SKIC3: variants seen among roughly 807,000 people sequenced by gnomAD.
SKIC3 encodes superkiller complex protein 3.
chr5:95,477,528 A>G, the SKIC3 span, among the ~76,000 whole-genome samples: 1 of 152,190 alleles, frequency 6.6e-6, no homozygotes, highest in South Asian at 2.1e-4. Flanking sequence ...TTACAAAATA[A>G]TAAGGAACGA....
At chr5:95,477,275 G>T in the SKIC3 span, among the ~76,000 whole-genome samples, 1 of 152,044 alleles carries the variant, frequency 6.6e-6, no homozygotes, top group Non-Finnish European at 1.5e-5. Context: ...GACTGACAGA[G>T]CAAGGAAGCA....
chr5:95,501,356 G>C, the SKIC3 span, among the ~76,000 whole-genome samples: 10 of 152,150 alleles, frequency 6.6e-5, no homozygotes, highest in African/African-American at 2.4e-4. Context: ...TATTATCACA[G>C]TCTATAAAGT....
chr5:95,490,692 G>T, the SKIC3 span, among the ~76,000 whole-genome samples: 45 of 151,858 alleles, frequency 3.0e-4, no homozygotes, highest in Non-Finnish European at 6.0e-4. Context: ...TAGAGACGGG[G>T]TTTCACCATG....
chr5:95,543,271 A>G, the SKIC3 span: 2 of 1,614,020 alleles, frequency 1.2e-6, no homozygotes, highest in Non-Finnish European at 1.7e-6. Flanking sequence ...GTTCAGCTGC[A>G]GCAACGCCAA....
the SKIC3 span, among the ~76,000 whole-genome samples, chr5:95,481,857 C>A: frequency 6.6e-6 from 1 of 152,028 alleles, no homozygotes; most frequent in African/African-American, 2.4e-5. Flanking sequence ...AGATAATAAG[C>A]GTCTATAAAT....
chr5:95,494,559 T>A, the SKIC3 span: 1 of 1,003,944 alleles, frequency 1.0e-6, no homozygotes, highest in Non-Finnish European at 1.5e-6. Flanking sequence ...ATTACACACA[T>A]TTTTGTCTGG....
the SKIC3 span, chr5:95,497,450 C>T: frequency 6.2e-6 from 10 of 1,613,484 alleles, no homozygotes; most frequent in Middle Eastern, 1.7e-4. Flanking sequence ...TGCAACAACT[C>T]GAGACAACAG....
At chr5:95,505,006 A>G in the SKIC3 span, among the ~76,000 whole-genome samples, 3 of 149,052 alleles carry the variant, frequency 2.0e-5, no homozygotes, top group Non-Finnish European at 4.5e-5. Context: ...ACTCCATCTT[A>G]AAAAAAAAAG....
At chr5:95,553,141 G>C in the SKIC3 span, among the ~76,000 whole-genome samples, 10 of 152,088 alleles carry the variant, frequency 6.6e-5, no homozygotes, top group African/African-American at 2.4e-4. Flanking sequence ...AGGACTAGAA[G>C]CCTCTTAGAT....
At chr5:95,516,572 C>T in the SKIC3 span, 1 of 1,613,320 alleles carries the variant, frequency 6.2e-7, no homozygotes, top group Non-Finnish European at 8.5e-7. Context: ...TGAGCAAGGG[C>T]ATAATTTCCA....
At chr5:95,523,875 C>T in the SKIC3 span, 8 of 1,560,600 alleles carry the variant, frequency 5.1e-6, no homozygotes, top group Non-Finnish European at 7.0e-6. Context: ...ATTAAAAGTT[C>T]ATTTAATGAG....
the SKIC3 span, among the ~76,000 whole-genome samples, chr5:95,492,744 A>T: frequency 7.2e-6 from 1 of 139,622 alleles, no homozygotes; most frequent in East Asian, 2.0e-4. Flanking sequence ...AAATTCTATG[A>T]TTCCAACTGA....
the SKIC3 span, among the ~76,000 whole-genome samples, chr5:95,553,543 T>C: frequency 6.6e-6 from 1 of 152,134 alleles, no homozygotes; most frequent in Admixed American, 6.5e-5. Flanking sequence ...ACTGAGACTA[T>C]TGTTTAGGGG....
chr5:95,464,821 C>T, the SKIC3 span: 2 of 669,910 alleles, frequency 3.0e-6, no homozygotes. Flanking sequence ...TGACTCTGTG[C>T]AATCTTTCAG....
chr5:95,494,958 A>ACTAACC, the SKIC3 span: 1 of 1,613,700 alleles, frequency 6.2e-7, no homozygotes, highest in Non-Finnish European at 8.5e-7. Flanking sequence ...ACTAGGACAA[A>ACTAACC]CTAACCTTTC....
chr5:95,524,996 G>A, the SKIC3 span, among the ~76,000 whole-genome samples: 1 of 152,040 alleles, frequency 6.6e-6, no homozygotes, highest in Non-Finnish European at 1.5e-5. Context: ...CAATTCTCGT[G>A]CCTCAGCCTC....
At chr5:95,519,588 T>A in the SKIC3 span, among the ~76,000 whole-genome samples, 1 of 152,074 alleles carries the variant, frequency 6.6e-6, no homozygotes, top group Non-Finnish European at 1.5e-5. Flanking sequence ...CAGGCGATTT[T>A]AAGAGCCTAA....
the SKIC3 span, among the ~76,000 whole-genome samples, chr5:95,545,988 A>G: frequency 6.6e-6 from 1 of 152,114 alleles, no homozygotes; most frequent in African/African-American, 2.4e-5. Context: ...ATGGTAACAA[A>G]TCTTTAACCT....
the SKIC3 span, chr5:95,525,481 A>G: frequency 6.2e-7 from 1 of 1,614,056 alleles, no homozygotes; most frequent in Non-Finnish European, 8.5e-7. Context: ...CAGGGTAAGA[A>G]GAGAGAAGGT....
Sources: gnomAD v4.1 joint callset for allele counts (sites outside exome capture counted in the v4.1 genomes callset) on GRCh38, gnomAD v4.1.1 for gene constraint, MANE v1.5 for transcripts, NCBI Gene and HGNC (gene_info 2026-07-23, HGNC 2026-07-21) for gene names.